The following URGCP variants were observed in gnomAD, a reference collection of about 807,000 sequenced individuals.
URGCP encodes upregulator of cell proliferation, also known as up-regulator of cell proliferation.
Under a neutral mutation model 24.6 loss-of-function variants are expected in URGCP, and 13 were observed. The ratio of observed to expected loss-of-function variants is 0.53; its 90% CI spans 0.34 to 0.84. The LOEUF (loss-of-function observed/expected upper bound fraction) is 0.84, where lower values mean the gene tolerates loss of function less well. URGCP is among the 40% of genes least tolerant of loss of function. URGCP has a pLI of 0.01. For synonymous variants in URGCP, 444 were observed against 487.2 expected, an observed-to-expected ratio of 0.91 and a Z score of 1.17; for missense variants, 899 against 1,194.3, an observed-to-expected ratio of 0.75 and a Z score of 3.64.
upstream of URGCP, among the ~76,000 whole-genome samples, chr7:43,907,867 G>A (rs142387080): frequency 1.4e-4 from 21 of 152,164 alleles, no homozygotes; most frequent in East Asian, 1.9e-4. Context: ...TGTCCTCTTC[G>A]GTAAAGAAAT....
At chr7:43,926,360 T>G (rs2095930392) in exon 1 of URGCP, 1 of 346,050 alleles carries the variant, frequency 2.9e-6, no homozygotes, top group African/African-American at 2.2e-5. Context: ...CCCCGCTGCT[T>G]CCCCTCGGCC....
chr7:43,921,142 G>A (rs1036884329), intron 1 of URGCP, among the ~76,000 whole-genome samples: 4 of 152,058 alleles, frequency 2.6e-5, no homozygotes, highest in Admixed American at 6.6e-5. Context: ...TGGCTAACAC[G>A]GTGAAACCCT....
At chr7:43,920,951 G>A (rs1283073686) in intron 1 of URGCP, among the ~76,000 whole-genome samples, 1 of 152,150 alleles carries the variant, frequency 6.6e-6, no homozygotes, top group Non-Finnish European at 1.5e-5. Context: ...TTAGGAGATT[G>A]GTGAACAGAA....
At chr7:43,897,203 A>AAAAT (rs139278100) in intron 1 of URGCP, among the ~76,000 whole-genome samples, 2,786 of 151,620 alleles carry the variant, frequency 0.018, 62 homozygotes, top group African/African-American at 0.057. Context: ...ACTCTGTCTC[A>AAAAT]AAATAAATAA....
Position 43,876,882 on chromosome 7 carries a change from C to T in URGCP, c.2581G>A (p.Ala861Thr), listed in dbSNP as rs2095845360. ...TCGCAGAAGGCCAGGCCTGCCAGTG[C>T]CCGGAAGCCGTCGCCCTGTTTCTCC... ...QMEKQGDGFR[A>T]LAGLAFCDPE... is the part of the protein sequence containing the mutation. Residue 861 changes from alanine to threonine, a missense_variant, in exon 6 of 6, where the codon GCA (alanine) becomes ACA (threonine). By Grantham distance (58) the Ala-to-Thr change is moderately conservative. Coordinates refer to ENST00000453200, the MANE Select transcript of URGCP (RefSeq NM_001077663.3). 1 of 1,613,874 alleles carries T rather than the reference C, an allele frequency of 6.2e-7. No individual in the cohort carries two copies. The highest frequency in any genetic ancestry group is 1.3e-5 in the African/African-American group (1 of 74,946).
intron 1 of URGCP, chr7:43,919,598 C>T: frequency 2.1e-6 from 3 of 1,419,000 alleles, no homozygotes; most frequent in Non-Finnish European, 3.0e-6. Context: ...TGCTGCAGCC[C>T]AAGAACGTGA....
In URGCP at chr7:43,887,850, G is replaced by A. The variant is rs756285495; in HGVS notation, c.15-34C>T. ...ATAATTAAGATTTAGTTACAAAGATGTTGATGCCAGCTTTATATATAATAG... is the reference window on the plus strand; with the variant it reads ...ATAATTAAGATTTAGTTACAAAGATATTGATGCCAGCTTTATATATAATAG... On this transcript the variant is annotated intron_variant, in intron 1 of 5. Coordinates refer to ENST00000453200, the MANE Select transcript of URGCP (RefSeq NM_001077663.3). The A allele has an allele frequency of 2.9e-6, 4 of 1,381,518 alleles. No homozygotes were observed. The African/African-American group carries it at 4.3e-5, about 15-fold the overall frequency. The allele number at this position is 1,381,518 out of a possible 1,614,324, so 85.6% of individuals were successfully genotyped here.
chr7:43,881,987 A>G, intron 3 of URGCP, 30 bp from the exon 4 acceptor site: 2 of 1,613,920 alleles, frequency 1.2e-6, no homozygotes, highest in Non-Finnish European at 1.7e-6. Context: ...AAATACATTT[A>G]GTTTCATCAG....
intron 1 of URGCP, among the ~76,000 whole-genome samples, chr7:43,924,831 G>A (rs1207965292): frequency 1.3e-5 from 2 of 152,156 alleles, no homozygotes; most frequent in African/African-American, 4.8e-5. Flanking sequence ...GAGTGCAGTG[G>A]TGCCATCACA....
chr7:43,878,169 G>A lies in URGCP; in HGVS notation c.1294C>T (p.Arg432Trp), dbSNP rs769879683. The change falls in exon 6 of 6, where the codon CGG (arginine) becomes TGG (tryptophan). Residue 432 changes from arginine to tryptophan, a missense_variant. Coordinates refer to ENST00000453200, the MANE Select transcript of URGCP (RefSeq NM_001077663.3). This position sits in a 1 kb window ranked among gnomAD's most constrained non-coding sequence, Gnocchi z 5.6. ...TDSDSFVKRI[R>W]AIVGNVLRAP... ...CGCAGCACATTCCCAACGATGGCCC[G>A]GATCCTCTTCACGAAGCTGTCGCTG... The A allele has an allele frequency of 2.9e-5, 47 of 1,614,088 alleles. No individual in the cohort carries two copies. The highest frequency in any genetic ancestry group is 6.7e-5 in the East Asian group (3 of 44,902).
At chr7:43,924,836 A>G (rs2095926910) in intron 1 of URGCP, among the ~76,000 whole-genome samples, 1 of 152,166 alleles carries the variant, frequency 6.6e-6, no homozygotes, top group Non-Finnish European at 1.5e-5. Context: ...CAGTGGTGCC[A>G]TCACAACTCA....
chr7:43,925,931 G>A (rs2095929462), intron 1 of URGCP, among the ~76,000 whole-genome samples: 2 of 151,434 alleles, frequency 1.3e-5, no homozygotes, highest in African/African-American at 2.4e-5. Context: ...ATAGGAAGGA[G>A]ACAGATAATT....
At chr7:43,898,597 C>T (rs997939597) in intron 1 of URGCP, among the ~76,000 whole-genome samples, 1 of 151,924 alleles carries the variant, frequency 6.6e-6, no homozygotes, top group Non-Finnish European at 1.5e-5. Flanking sequence ...TGAAACCCCA[C>T]TCTACAGAAA....
rs370409369 is a variant in URGCP, at chr7:43,877,659, C to T, written c.1804G>A (p.Val602Met). 81 of 1,614,122 alleles carry T rather than the reference C, an allele frequency of 5.0e-5. No individual in the cohort carries two copies. Among genetic ancestry groups the T allele is most frequent in the African/African-American group, 3.3e-4 (25 of 75,058 alleles). Residue 602 changes from valine (V) to methionine (M), a missense_variant, in exon 6 of 6, where the codon GTG (valine) becomes ATG (methionine). Transcript: ENST00000453200. ...GGCTCAGGCCAGAGCGGCTCCCCCA[C>T]GTCTGTGGTGCCCCCATGCTTTGGT... Reference protein sequence around the residue: ...LRPKHGGTTDVGEPLWPEPLG... With the variant: ...LRPKHGGTTDMGEPLWPEPLG...
Position 43,922,351 on chromosome 7 carries a change from C to T in URGCP, c.-116+3781G>A, listed in dbSNP as rs543326612. 2.0e-5 allele frequency among the ~76,000 whole-genome samples: 3 copies of T among 152,284 alleles called. No homozygotes were observed. In the South Asian group the frequency reaches 6.2e-4, roughly 32 times the overall value. Reference sequence around the variant, plus strand: ...TGCTAGGATTACAGGTGTGAGCCACCATACTTGGTATCACTTAACTTTCTG... The same window carrying T: ...TGCTAGGATTACAGGTGTGAGCCACTATACTTGGTATCACTTAACTTTCTG... On this transcript the variant is annotated intron_variant, in intron 1 of 5. Coordinates refer to the URGCP transcript ENST00000426198.
At chr7:43,890,316 G>A (rs1200205231) in intron 1 of URGCP, among the ~76,000 whole-genome samples, 3 of 149,280 alleles carry the variant, frequency 2.0e-5, no homozygotes, top group African/African-American at 2.5e-5. Flanking sequence ...CTGGGTTCAC[G>A]CCATTCTCCT....
rs2232105 is a variant in URGCP at position 43,877,414 on chromosome 7, G to A, written c.2049C>T (p.His683=). 0.48 allele frequency: 778,818 copies of A among 1,612,954 alleles called. 191,109 individuals are homozygous for A. The highest frequency in any genetic ancestry group is 0.63 in the South Asian group (57,007 of 91,084). The change falls in exon 6 of 6, where the codon CAC becomes CAT. Residue 683 remains histidine, a synonymous_variant. Transcript: ENST00000453200. ...GCCTTGACCGTCTCTCCAGTCGGAC[G>A]TGCAGCTCCTTCAGGAGCCCTGTGA... is the stretch of plus-strand genomic sequence containing the variant. The part of the protein sequence containing the change: ...RWVTGLLKEL[H]VRLERRSRLV...
At chr7:43,884,484 A>T (rs952859248) in intron 3 of URGCP, among the ~76,000 whole-genome samples, 10 of 152,236 alleles carry the variant, frequency 6.6e-5, no homozygotes, top group African/African-American at 1.9e-4. Flanking sequence ...TGGTGAGCCC[A>T]GGAATAACTG....
Position 43,876,804 on chromosome 7 carries a change from G to A in URGCP, c.2659C>T (p.Pro887Ser). 1.9e-6 allele frequency: 3 copies of A among 1,614,248 alleles called. No homozygotes were observed. In the South Asian group the frequency reaches 3.3e-5, roughly 18 times the overall value. ...HIPGLWHGAP[P>S]MAAVSLAYSE... ...TAGGCCAAGCTCACTGCGGCCATGG[G>A]AGGTGCTCCGTGCCACAGGCCTGGG... Residue 887 changes from proline to serine, a missense_variant, in exon 6 of 6, where the codon CCC (proline) becomes TCC (serine). Transcript: ENST00000453200.
Sources: allele counts gnomAD v4.1 joint callset (sites outside exome capture counted in the v4.1 genomes callset), GRCh38; gene constraint gnomAD v4.1.1; non-coding constraint Gnocchi (gnomAD v3.1); transcripts MANE v1.5; gene names NCBI Gene and HGNC (gene_info 2026-07-23, HGNC 2026-07-21).